The following NRXN3 variants were observed in gnomAD, a reference collection of about 807,000 sequenced individuals.
NRXN3 encodes neurexin 3, also known as neurexin III.
Under a neutral mutation model 137.6 loss-of-function variants are expected in NRXN3, and 32 were observed. That is an observed-to-expected ratio of 0.23 (90% confidence interval 0.18 to 0.31). The LOEUF is 0.31. Among genes scored for constraint, NRXN3 ranks in the 10% least tolerant of loss-of-function variants. The probability of loss-of-function intolerance (pLI) is 1.00; values close to 1 mark genes in which losing one functional copy is unlikely to be tolerated. For synonymous variants in NRXN3, 798 were observed against 784.5 expected (o/e 1.02, Z -0.29); for missense variants, 1,574 against 2,062.5 (o/e 0.76, Z 4.59).
intron 2 of NRXN3, among the ~76,000 whole-genome samples, chr14:78,260,610 T>A (rs1298004417): frequency 6.6e-6 from 1 of 152,206 alleles, no homozygotes; most frequent in Non-Finnish European, 1.5e-5. Flanking sequence ...GGGGCAGGTC[T>A]TTCCCATGCT....
intron 20 of NRXN3, among the ~76,000 whole-genome samples, chr14:79,812,434 G>A (rs2099237449): frequency 6.6e-6 from 1 of 152,018 alleles, no homozygotes; most frequent in African/African-American, 2.4e-5. Context: ...GAATGGAAAT[G>A]CCCACGATAT....
chr14:78,702,589 C>T (rs995350246), intron 6 of NRXN3, among the ~76,000 whole-genome samples: 1 of 151,850 alleles, frequency 6.6e-6, no homozygotes, highest in African/African-American at 2.4e-5. Context: ...GGATTACAGG[C>T]ATACCGCACC....
intron 15 of NRXN3, among the ~76,000 whole-genome samples, chr14:79,089,224 G>T (rs1410647323): frequency 6.6e-6 from 1 of 152,098 alleles, no homozygotes; most frequent in Non-Finnish European, 1.5e-5. Flanking sequence ...AACTTATAGA[G>T]AAAATATGAT....
intron 4 of NRXN3, among the ~76,000 whole-genome samples, chr14:78,336,078 C>A (rs1002576297): frequency 6.6e-6 from 1 of 152,122 alleles, no homozygotes; most frequent in African/African-American, 2.4e-5. Context: ...ATTCCTGGGT[C>A]CCTCCTCCCC....
rs549064699 is a variant in NRXN3 at position 78,329,392 on chromosome 14, GAAAT to G, written c.757+31537_757+31540del. On this transcript the variant is annotated intron_variant, in intron 4 of 20. Transcript: ENST00000335750. The stretch of plus-strand genomic sequence containing the variant: ...TGTATATGTCTCTTTAAAAAAGTAG[GAAAT>G]AAATTGGCTGATTTGTCATGATTAC... 1.2e-4 allele frequency among the ~76,000 whole-genome samples: 18 copies of G among 152,180 alleles called. No homozygotes were observed. In the East Asian group the frequency reaches 3.5e-3, roughly 29 times the overall value.
At chr14:79,484,809 A>G (rs2096640564) in intron 16 of NRXN3, among the ~76,000 whole-genome samples, 1 of 152,206 alleles carries the variant, frequency 6.6e-6, no homozygotes, top group Non-Finnish European at 1.5e-5. Flanking sequence ...ATCTTAAAGG[A>G]ATATATTTGC....
At chr14:79,614,179 T>C (rs1471339846) in intron 16 of NRXN3, among the ~76,000 whole-genome samples, 1 of 152,226 alleles carries the variant, frequency 6.6e-6, no homozygotes, top group Non-Finnish European at 1.5e-5. Context: ...TTCAGCTCTG[T>C]GATGGTTCCG....
intron 15 of NRXN3, among the ~76,000 whole-genome samples, chr14:79,232,989 A>G (rs1227267960): frequency 6.6e-6 from 1 of 152,218 alleles, no homozygotes; most frequent in African/African-American, 2.4e-5. Flanking sequence ...TAACTGAGAT[A>G]GTGATTCATT....
chr14:79,093,975 A>C (rs763156277), intron 15 of NRXN3, among the ~76,000 whole-genome samples: 1 of 152,094 alleles, frequency 6.6e-6, no homozygotes, highest in Non-Finnish European at 1.5e-5. Context: ...ATGAACCATC[A>C]GGGCAACTCA....
chr14:78,291,595 C>A (rs1345956474), intron 3 of NRXN3, among the ~76,000 whole-genome samples: 1 of 152,170 alleles, frequency 6.6e-6, no homozygotes, highest in Non-Finnish European at 1.5e-5. Flanking sequence ...CCTACAGACA[C>A]TTTTGGCTTC....
intron 8 of NRXN3, among the ~76,000 whole-genome samples, chr14:78,794,342 A>G (rs1368334601): frequency 6.6e-6 from 1 of 152,224 alleles, no homozygotes; most frequent in Non-Finnish European, 1.5e-5. Context: ...AGATTGCGCC[A>G]CTGTACTCCC....
At chr14:78,177,772 C>G (rs1489880575) in intron 1 of NRXN3, 1 of 152,170 alleles carries the variant, frequency 6.6e-6, no homozygotes, top group Non-Finnish European at 1.5e-5. Context: ...GGATAAAAAC[C>G]TGGATCTTCT....
chr14:78,539,014 G>A (rs982198892), intron 4 of NRXN3, among the ~76,000 whole-genome samples: 3 of 152,266 alleles, frequency 2.0e-5, no homozygotes, highest in Non-Finnish European at 2.9e-5. Context: ...GATTCAGTTC[G>A]AAAGTATTTT....
Position 79,431,121 on chromosome 14 carries a change from C to A in NRXN3, c.3263-36100C>A, listed in dbSNP as rs565632196. 3.9e-5 allele frequency among the ~76,000 whole-genome samples: 6 copies of A among 152,114 alleles called. No homozygotes were observed. The East Asian group carries it at 9.7e-4, about 25-fold the overall frequency. ...AGATGACTTTAGTCTTTATTCACAA[C>A]CTGTAAACTAAAGAAGGTCATTAAA... On this transcript the variant is annotated intron_variant, in intron 15 of 20. Transcript: ENST00000335750.
intron 4 of NRXN3, among the ~76,000 whole-genome samples, chr14:78,463,448 A>G (rs4903762): frequency 0.091 from 13,842 of 151,746 alleles, 790 homozygotes; most frequent in Admixed American, 0.15. Context: ...TGGTAATTCT[A>G]TCTTTAGTTC....
chr14:78,431,505 T>C (rs994776100), intron 4 of NRXN3, among the ~76,000 whole-genome samples: 6 of 152,120 alleles, frequency 3.9e-5, no homozygotes, highest in African/African-American at 1.4e-4. Context: ...TTTTGGAAAA[T>C]TGATGTGATT....
chr14:79,026,922 A>AGTAT (rs2099598894), intron 15 of NRXN3, among the ~76,000 whole-genome samples: 1 of 88,270 alleles, frequency 1.1e-5, no homozygotes, highest in Admixed American at 1.0e-4. Flanking sequence ...CAGAAAAAAA[A>AGTAT]GTATATATAT....
intron 15 of NRXN3, among the ~76,000 whole-genome samples, chr14:79,204,604 C>CTCA (rs2066529299): frequency 1.3e-5 from 2 of 151,982 alleles, no homozygotes; most frequent in Non-Finnish European, 2.9e-5. Flanking sequence ...TCTGAATATG[C>CTCA]TCATTTTCAT....
intron 4 of NRXN3, among the ~76,000 whole-genome samples, chr14:78,533,122 T>C (rs1276009827): frequency 7.4e-6 from 1 of 134,460 alleles, no homozygotes; most frequent in African/African-American, 2.7e-5. Flanking sequence ...TTTTTTGAGA[T>C]GGAGTCTTGC....
Sources: allele counts gnomAD v4.1 joint callset (sites outside exome capture counted in the v4.1 genomes callset), GRCh38; gene constraint gnomAD v4.1.1; transcripts MANE v1.5; gene names NCBI Gene and HGNC (gene_info 2026-07-23, HGNC 2026-07-21).